Variants in ELMO1 observed in about 807,000 individuals in gnomAD.
The protein encoded by ELMO1 is engulfment and cell motility protein 1.
A neutral mutation model predicts 98.9 loss-of-function variants in ELMO1; 26 were observed. The observed-to-expected ratio is 0.26, with a 90% CI of 0.19 to 0.36. ELMO1 has a LOEUF of 0.36. Among genes scored for constraint, ELMO1 ranks in the 10% least tolerant of loss-of-function variants. The pLI, the probability that ELMO1 is intolerant of heterozygous loss-of-function variation, is 1.00. For synonymous variants in ELMO1, 346 were observed against 346.0 expected (o/e 1.00, Z 0.00); for missense variants, 627 against 935.2 (o/e 0.67, Z 4.30).
intron 16 of ELMO1, among the ~76,000 whole-genome samples, chr7:36,939,179 T>C (rs941693158): frequency 2.0e-5 from 3 of 151,880 alleles, no homozygotes; most frequent in African/African-American, 7.3e-5. Flanking sequence ...AGTTTTTTTT[T>C]TTTTATCTCC....
intron 2 of ELMO1, among the ~76,000 whole-genome samples, chr7:37,328,407 A>AAAAAG: frequency 6.8e-6 from 1 of 147,382 alleles, no homozygotes; most frequent in Non-Finnish European, 1.5e-5. Flanking sequence ...AAAAAAAAAA[A>AAAAAG]AGATGCTGTG....
At chr7:37,160,426 A>G (rs372127498) in intron 13 of ELMO1, among the ~76,000 whole-genome samples, 4 of 152,212 alleles carry the variant, frequency 2.6e-5, no homozygotes, top group African/African-American at 9.7e-5. Flanking sequence ...CATTGGTATG[A>G]AATCCTCCCC....
chr7:37,447,217 T>C (rs115390015), intron 1 of ELMO1, among the ~76,000 whole-genome samples: 2,244 of 152,306 alleles, frequency 0.015, 65 homozygotes, highest in African/African-American at 0.051. Flanking sequence ...AGGTCATTAA[T>C]TACTTTTATA....
At chr7:36,897,032 T>C (rs1213613984) in intron 16 of ELMO1, among the ~76,000 whole-genome samples, 3 of 152,214 alleles carry the variant, frequency 2.0e-5, no homozygotes, top group Non-Finnish European at 2.9e-5. Context: ...TCCACTCCCC[T>C]CATTTTACAG....
intron 16 of ELMO1, among the ~76,000 whole-genome samples, chr7:36,949,513 C>T (rs1787792903): frequency 6.6e-6 from 1 of 151,966 alleles, no homozygotes; most frequent in East Asian, 1.9e-4. Flanking sequence ...TTGCTCTGTC[C>T]TCTTCACTCG....
At chr7:37,099,276 C>G (rs1369910413) in intron 14 of ELMO1, among the ~76,000 whole-genome samples, 1 of 152,198 alleles carries the variant, frequency 6.6e-6, no homozygotes, top group African/African-American at 2.4e-5. Context: ...GATCAACCTT[C>G]TTACAAAAAT....
intron 10 of ELMO1, among the ~76,000 whole-genome samples, chr7:37,221,993 C>T (rs528884625): frequency 1.3e-5 from 2 of 152,276 alleles, no homozygotes; most frequent in South Asian, 2.1e-4. Flanking sequence ...CCACCGCACC[C>T]GGCTCTTTTT....
intron 7 of ELMO1, among the ~76,000 whole-genome samples, chr7:37,240,143 A>G (rs1006280223): frequency 4.0e-5 from 6 of 151,306 alleles, no homozygotes; most frequent in African/African-American, 1.2e-4. Context: ...AGCTCAAGCA[A>G]TCCCCTAACT....
Position 36,883,293 on chromosome 7 carries a change from C to T in ELMO1, c.1714+4267G>A, listed in dbSNP as rs543438878. On this transcript the variant is annotated intron_variant, in intron 18 of 21. Coordinates refer to ENST00000310758, the MANE Select transcript of ELMO1 (RefSeq NM_014800.11). ...TTCCAATGTTAGCCCTGGACTCTTACCAAGGCCATTCAATGCAAGTGATTC... is the reference window on the plus strand; with the variant it reads ...TTCCAATGTTAGCCCTGGACTCTTATCAAGGCCATTCAATGCAAGTGATTC... Among the ~76,000 whole-genome samples the T allele has an allele frequency of 8.5e-5, 13 of 152,316 alleles. 1 individual carries two copies. The South Asian group carries it at 2.7e-3, about 32-fold the overall frequency.
At chr7:37,449,136 C>T (rs1805791981), upstream of ELMO1, 1 of 152,302 alleles carries the variant, frequency 6.6e-6, no homozygotes, top group Non-Finnish European at 1.5e-5. Flanking sequence ...TGAAGTCCCC[C>T]TACTTAAAAG....
At chr7:36,977,070 T>TA (rs1384125939) in intron 16 of ELMO1, among the ~76,000 whole-genome samples, 5 of 152,184 alleles carry the variant, frequency 3.3e-5, no homozygotes, top group Admixed American at 2.6e-4. Flanking sequence ...TAAAAGGGGA[T>TA]AAAATGCCTT....
chr7:36,884,872 G>A (rs1804802782), intron 18 of ELMO1, among the ~76,000 whole-genome samples: 1 of 152,214 alleles, frequency 6.6e-6, no homozygotes, highest in Non-Finnish European at 1.5e-5. Context: ...CAAGTTTAGA[G>A]GGAGTATGGT....
chr7:37,047,224 C>A (rs1446900164), intron 15 of ELMO1, among the ~76,000 whole-genome samples: 1 of 152,204 alleles, frequency 6.6e-6, no homozygotes, highest in Non-Finnish European at 1.5e-5. Context: ...AATGACCTGG[C>A]ATTTCATTTT....
chr7:37,212,585 T>A (rs1049670282), intron 12 of ELMO1, among the ~76,000 whole-genome samples: 2 of 152,168 alleles, frequency 1.3e-5, no homozygotes, highest in Non-Finnish European at 2.9e-5. Context: ...AGCCTCTCCA[T>A]CATTCTTAAC....
At chr7:37,055,724 T>C (rs548234088) in intron 15 of ELMO1, among the ~76,000 whole-genome samples, 1 of 152,238 alleles carries the variant, frequency 6.6e-6, no homozygotes, top group South Asian at 2.1e-4. Context: ...AAGCCTTGGG[T>C]CCTGCAGTAC....
intron 14 of ELMO1, among the ~76,000 whole-genome samples, chr7:37,102,473 C>T (rs766018832): frequency 2.6e-5 from 4 of 152,154 alleles, no homozygotes; most frequent in Non-Finnish European, 4.4e-5. Flanking sequence ...ATCAGAACCA[C>T]AGGCTGCTAG....
At chr7:37,133,564 C>T (rs1787065700) in intron 13 of ELMO1, among the ~76,000 whole-genome samples, 1 of 152,098 alleles carries the variant, frequency 6.6e-6, no homozygotes, top group African/African-American at 2.4e-5. Flanking sequence ...TAAAATGAAA[C>T]CAACAGCATT....
At chr7:36,893,708 C>T (rs73119934) in intron 17 of ELMO1, among the ~76,000 whole-genome samples, 3,344 of 152,272 alleles carry the variant, frequency 0.022, 65 homozygotes, top group Middle Eastern at 0.071. Context: ...ACTCGAGGCT[C>T]AGTCCCGGCT....
intron 13 of ELMO1, among the ~76,000 whole-genome samples, chr7:37,141,508 C>G (rs1306976964): frequency 1.4e-5 from 2 of 146,998 alleles, no homozygotes; most frequent in Non-Finnish European, 3.1e-5. Context: ...TCTCCAAAAC[C>G]CTACTGAAAT....
Sources: gnomAD v4.1 joint callset for allele counts (sites outside exome capture counted in the v4.1 genomes callset) on GRCh38, gnomAD v4.1.1 for gene constraint, MANE v1.5 for transcripts, NCBI Gene and HGNC (gene_info 2026-07-23, HGNC 2026-07-21) for gene names.